ALOX5AP: variants seen among roughly 807,000 people sequenced by gnomAD.
ALOX5AP encodes arachidonate 5-lipoxygenase-activating protein.
ALOX5AP carries 9 observed loss-of-function variants against 18.5 expected under a neutral mutation model. That is an observed-to-expected ratio of 0.49 (90% CI 0.29 to 0.85). The LOEUF is 0.85. Among genes scored for constraint, ALOX5AP ranks in the 40% least tolerant of loss-of-function variants. The pLI, the probability that ALOX5AP is intolerant of heterozygous loss-of-function variation, is 0.08. For synonymous variants in ALOX5AP, 81 were observed against 78.6 expected (o/e 1.03, Z -0.16); for missense variants, 172 against 202.5 (o/e 0.85, Z 0.91).
chr13:30,713,800 T>A, exon 1 of ALOX5AP: 1 of 1,535,694 alleles, frequency 6.5e-7, no homozygotes, highest in African/African-American at 1.4e-5. Flanking sequence ...GGAAATCCTT[T>A]GGCACCTTGG....
At chr13:30,741,252 CCTG>C (rs1951761687) in intron 1 of ALOX5AP, among the ~76,000 whole-genome samples, 1 of 150,198 alleles carries the variant, frequency 6.7e-6, no homozygotes, top group Admixed American at 6.6e-5. Flanking sequence ...CCTACAGGTG[CCTG>C]CCACCACGCC....
chr13:30,729,444 T>C (rs889433067), intron 1 of ALOX5AP, among the ~76,000 whole-genome samples: 10 of 152,214 alleles, frequency 6.6e-5, no homozygotes, highest in African/African-American at 2.4e-4. Flanking sequence ...TATATGGGCA[T>C]CATGAATTTT....
upstream of ALOX5AP, among the ~76,000 whole-genome samples, chr13:30,732,368 C>G (rs1951688442): frequency 6.6e-6 from 1 of 152,156 alleles, no homozygotes; most frequent in Admixed American, 6.5e-5. Flanking sequence ...CATGTGCCGG[C>G]AGATTGGGAT....
chr13:30,744,037 A>T (rs778888248), intron 1 of ALOX5AP, 23 bp from the exon 2 acceptor site: 1 of 1,603,268 alleles, frequency 6.2e-7, no homozygotes, highest in Non-Finnish European at 8.5e-7. Flanking sequence ...AATGAACCAG[A>T]TGCAAACCTT....
chr13:30,732,208 A>T (rs541468521), upstream of ALOX5AP, among the ~76,000 whole-genome samples: 6 of 152,252 alleles, frequency 3.9e-5, no homozygotes, highest in East Asian at 1.2e-3. Context: ...TCGACCTTCT[A>T]AAGCGCGAAT....
chr13:30,729,702 G>A (rs1259250357), intron 1 of ALOX5AP, among the ~76,000 whole-genome samples: 4 of 151,244 alleles, frequency 2.6e-5, no homozygotes, highest in East Asian at 2.0e-4. Context: ...TCAGCCTCCC[G>A]AGGGGCTGGG....
chr13:30,755,812 C>T (rs1026542416), intron 3 of ALOX5AP, 132 bp from the exon 4 acceptor site: 10 of 788,834 alleles, frequency 1.3e-5, no homozygotes, highest in Non-Finnish European at 2.2e-5. Context: ...TTTCCTCTAG[C>T]CCTTGGGCTC....
chr13:30,762,725 A>G (rs1332266114), intron 4 of ALOX5AP, among the ~76,000 whole-genome samples: 1 of 152,210 alleles, frequency 6.6e-6, no homozygotes, highest in African/African-American at 2.4e-5. Flanking sequence ...AGGAAACGGC[A>G]CTTGGCAGTA....
chr13:30,742,340 G>A (rs2137810461), intron 1 of ALOX5AP: 1 of 152,194 alleles, frequency 6.6e-6, no homozygotes, highest in South Asian at 2.1e-4. Context: ...AAAAACCTGT[G>A]GAGCTGATGA....
chr13:30,725,290 A>G (rs1238157528), intron 1 of ALOX5AP, among the ~76,000 whole-genome samples: 1 of 152,282 alleles, frequency 6.6e-6, no homozygotes, highest in Non-Finnish European at 1.5e-5. Context: ...CACACAAAAC[A>G]TGAGAATATG....
chr13:30,718,472 G>A (rs1019081300), intron 1 of ALOX5AP, among the ~76,000 whole-genome samples: 1 of 149,750 alleles, frequency 6.7e-6, no homozygotes, highest in African/African-American at 2.5e-5. Context: ...CCATGTCTCT[G>A]ACCCACCCTT....
intron 1 of ALOX5AP, among the ~76,000 whole-genome samples, chr13:30,720,239 G>A (rs1951583327): frequency 1.3e-5 from 2 of 152,160 alleles, no homozygotes; most frequent in South Asian, 4.1e-4. Flanking sequence ...AATATGATAC[G>A]CTGTCGGATG....
At chr13:30,725,013 G>A (rs929070025) in intron 1 of ALOX5AP, among the ~76,000 whole-genome samples, 17 of 152,362 alleles carry the variant, frequency 1.1e-4, no homozygotes, top group African/African-American at 4.1e-4. Context: ...ACTACCCAAA[G>A]TGGCTAGCTG....
chr13:30,729,866 G>A (rs1034195899), intron 1 of ALOX5AP, among the ~76,000 whole-genome samples: 26 of 152,302 alleles, frequency 1.7e-4, no homozygotes, highest in African/African-American at 5.8e-4. Flanking sequence ...ATGAGCCACC[G>A]TGCCCGGCCT....
intron 1 of ALOX5AP, among the ~76,000 whole-genome samples, chr13:30,740,053 C>T (rs1156481319): frequency 6.6e-6 from 1 of 152,188 alleles, no homozygotes; most frequent in African/African-American, 2.4e-5. Context: ...TCCCCCTCTT[C>T]GGCCTAACGT....
chr13:30,740,780 G>A (rs1346307733), intron 1 of ALOX5AP, among the ~76,000 whole-genome samples: 1 of 152,150 alleles, frequency 6.6e-6, no homozygotes, highest in Non-Finnish European at 1.5e-5. Context: ...TTCTGGAAGT[G>A]GGAGAAGGAG....
At chr13:30,761,648 A>C (rs1951942675) in intron 4 of ALOX5AP, among the ~76,000 whole-genome samples, 1 of 152,206 alleles carries the variant, frequency 6.6e-6, no homozygotes. Flanking sequence ...ATTCTCTCAC[A>C]GTCCTAGAGG....
At chr13:30,738,119 T>C (rs1236995808) in intron 1 of ALOX5AP, among the ~76,000 whole-genome samples, 1 of 152,234 alleles carries the variant, frequency 6.6e-6, no homozygotes, top group East Asian at 1.9e-4. Context: ...GTACACAGTC[T>C]GTGTCCCAAG....
Position 30,763,688 on chromosome 13 carries a change from C to T in ALOX5AP, c.324-256C>T, listed in dbSNP as rs559764900. 7.9e-5 allele frequency among the ~76,000 whole-genome samples: 12 copies of T among 152,226 alleles called. No individual in the cohort carries two copies. The South Asian group carries it at 2.3e-3, about 29-fold the overall frequency. On this transcript the variant is annotated intron_variant, in intron 4 of 4. Coordinates refer to ENST00000380490, the MANE Select transcript of ALOX5AP (RefSeq NM_001629.4). ...AGGAAATCATGAGAGCACAGAGGGG[C>T]GGGTACAGCAGAGCCCTCGTGGTAA...
Sources: allele counts gnomAD v4.1 joint callset (sites outside exome capture counted in the v4.1 genomes callset), GRCh38; gene constraint gnomAD v4.1.1; transcripts MANE v1.5; gene names NCBI Gene and HGNC (gene_info 2026-07-23, HGNC 2026-07-21).